AKAP13: variants seen among roughly 807,000 people sequenced by gnomAD.
AKAP13 encodes the protein A-kinase anchor protein 13.
Under a neutral mutation model 264.5 loss-of-function variants are expected in AKAP13, and 80 were observed. That is an observed-to-expected ratio of 0.30 (90% CI 0.25 to 0.36). The LOEUF (loss-of-function observed/expected upper bound fraction) is 0.36. Ranked by LOEUF, AKAP13 falls within the 10% of genes least tolerant of loss-of-function variation. The pLI is 1.00. For missense variants in AKAP13, 3,712 were observed against 3,435.2 expected (o/e 1.08, Z -2.01); for synonymous variants, 1,380 against 1,250.2 (o/e 1.10, Z -2.19).
In AKAP13 at chr15:85,581,567, C is replaced by T. The variant is rs771647350; in HGVS notation, c.3499C>T (p.His1167Tyr). 1 of 1,614,106 alleles carries T rather than the reference C, an allele frequency of 6.2e-7. No homozygotes were observed. Among genetic ancestry groups the T allele is most frequent in the East Asian group, 2.2e-5 (1 of 44,870 alleles). The stretch of plus-strand genomic sequence containing the variant: ...GAAAGGGAAGCTGGAGGGAGCAGAC[C>T]ACAGCTGTACCATGGGTGACGCTGA... ...WEKGKLEGAD[H>Y]SCTMGDAEEA... The change falls in exon 7 of 37, where the codon CAC becomes TAC. Residue 1167 changes from histidine to tyrosine, a missense_variant. Around this residue, in one of 3 missense-constraint regions of AKAP13, gnomAD observed 2,759 missense variants for 2,411.7 expected, o/e 1.14. Transcript: ENST00000394518.
At chr15:85,707,945 T>G in intron 17 of AKAP13, 74 bp from the exon 18 acceptor site, 1 of 1,483,646 alleles carries the variant, frequency 6.7e-7, no homozygotes, top group Non-Finnish European at 9.4e-7. Flanking sequence ...AGGCCACTTG[T>G]GGCAGCAGTG....
At chr15:85,675,554 C>T (rs888258257) in intron 14 of AKAP13, among the ~76,000 whole-genome samples, 10 of 152,166 alleles carry the variant, frequency 6.6e-5, no homozygotes, top group African/African-American at 2.4e-4. Flanking sequence ...CAGGCTAGAC[C>T]ATGGTAGGAG....
Position 85,730,545 on chromosome 15 carries a change from C to G in AKAP13, c.7120C>G (p.Leu2374Val). 2 of 1,614,132 alleles carry G rather than the reference C, an allele frequency of 1.2e-6. No homozygotes were observed. The highest frequency in any genetic ancestry group is 8.5e-7 in the Non-Finnish European group (1 of 1,180,008). The change falls in exon 30 of 37, where the codon CTC becomes GTC. Residue 2374 changes from leucine (L) to valine (V), a missense_variant. Transcript: ENST00000394518. ...QLHQKDQKILLLLEEKEMIFR... is the reference protein window; with the variant it reads ...QLHQKDQKILVLLEEKEMIFR... ...TCACCAGAAGGACCAAAAAATCCTA[C>G]TCTTGTTGGAAGAGAAGGAGATGAT...
chr15:85,439,165 G>A (rs1293260276), intron 1 of AKAP13, among the ~76,000 whole-genome samples: 1 of 152,044 alleles, frequency 6.6e-6, no homozygotes, highest in African/African-American at 2.4e-5. Context: ...CGAAGGACAT[G>A]AACAGACACT....
At chr15:85,481,104 A>T (rs2075338559) in intron 1 of AKAP13, 1 of 151,968 alleles carries the variant, frequency 6.6e-6, no homozygotes, top group Non-Finnish European at 1.5e-5. Flanking sequence ...GGTTGGTGGA[A>T]ATGCTTTCTG....
intron 2 of AKAP13, among the ~76,000 whole-genome samples, chr15:85,509,701 T>A (rs1443618743): frequency 6.6e-6 from 1 of 152,216 alleles, no homozygotes; most frequent in Non-Finnish European, 1.5e-5. Context: ...TTTGAATGAA[T>A]TCCGATGTAA....
intron 8 of AKAP13, among the ~76,000 whole-genome samples, chr15:85,603,814 C>T (rs534030817): frequency 1.2e-4 from 19 of 152,298 alleles, no homozygotes; most frequent in Admixed American, 1.2e-3. Flanking sequence ...GTGTCCTCTT[C>T]GCTCTCTCAG....
intron 13 of AKAP13, 109 bp downstream of exon 13, chr15:85,664,864 T>C: frequency 2.9e-6 from 3 of 1,019,300 alleles, no homozygotes; most frequent in Non-Finnish European, 4.2e-6. Context: ...ACTTACCCAT[T>C]ATATGATATA....
chr15:85,703,521 T>G (rs932207888), intron 17 of AKAP13, among the ~76,000 whole-genome samples: 1 of 152,300 alleles, frequency 6.6e-6, no homozygotes, highest in Middle Eastern at 3.4e-3. Flanking sequence ...TTAGTCCAGA[T>G]AGGGCGATGT....
chr15:85,495,530 C>T (rs562768230), intron 2 of AKAP13, among the ~76,000 whole-genome samples: 1 of 152,284 alleles, frequency 6.6e-6, no homozygotes, highest in South Asian at 2.1e-4. Context: ...GAACACATCT[C>T]TGTGTCTCCC....
rs1420215822 is a variant in AKAP13, at chr15:85,579,581, A to G, written c.1513A>G (p.Lys505Glu). 1.9e-6 allele frequency: 3 copies of G among 1,614,178 alleles called. No homozygotes were observed. In the South Asian group the frequency reaches 3.3e-5, roughly 18 times the overall value. Reference sequence around the variant, plus strand: ...TGTGCTTCAGGGAGGGGAAAGTACAAAGGAAAGATTTGAGAACTCTAATAT... The same window carrying G: ...TGTGCTTCAGGGAGGGGAAAGTACAGAGGAAAGATTTGAGAACTCTAATAT... ...KNVLQGGEST[K>E]ERFENSNIGT... Residue 505 changes from lysine to glutamate, a missense_variant, in exon 7 of 37, where the codon AAG becomes GAG. Transcript: ENST00000394518.
At chr15:85,556,481 G>A (rs879105464) in intron 5 of AKAP13, among the ~76,000 whole-genome samples, 1 of 152,142 alleles carries the variant, frequency 6.6e-6, no homozygotes, top group Admixed American at 6.5e-5. Context: ...AGTGGCACAT[G>A]ACTGTAGTAA....
At chr15:85,576,949 C>T (rs1231381116) in intron 6 of AKAP13, among the ~76,000 whole-genome samples, 3 of 152,186 alleles carry the variant, frequency 2.0e-5, no homozygotes, top group African/African-American at 7.2e-5. Flanking sequence ...CTTTAGGCAA[C>T]ACTACTTGTT....
Position 85,718,831 on chromosome 15 carries a change from T to G in AKAP13, c.6002-245T>G. 1 of 456,510 alleles carries G rather than the reference T, an allele frequency of 2.2e-6. No individual in the cohort carries two copies. The highest frequency in any genetic ancestry group is 4.0e-6 in the Non-Finnish European group (1 of 252,346). 28.3% of individuals were successfully genotyped at this position (456,510 alleles called of 1,614,324 possible). A position where few individuals can be genotyped will look rare whatever the true frequency, so the allele number is the denominator to read the frequency against. On this transcript the variant is annotated intron_variant, in intron 22 of 36. Coordinates refer to ENST00000394518, the MANE Select transcript of AKAP13 (RefSeq NM_007200.5). This position sits in a 1 kb window ranked among gnomAD's most constrained non-coding sequence, Gnocchi z 4.9. Reference sequence around the variant, plus strand: ...AGAAAGATCGCTTGAGCCCAGGAGGTTGAGGCTGCAATGAGCCATGACTTC... The same window carrying G: ...AGAAAGATCGCTTGAGCCCAGGAGGGTGAGGCTGCAATGAGCCATGACTTC...
intron 2 of AKAP13, among the ~76,000 whole-genome samples, chr15:85,500,684 T>G (rs2076016132): frequency 6.6e-6 from 1 of 152,228 alleles, no homozygotes; most frequent in Admixed American, 6.5e-5. Context: ...CCCCCAGAGA[T>G]TCTGCTTATT....
chr15:85,673,121 G>C (rs2084010747), intron 14 of AKAP13, among the ~76,000 whole-genome samples: 1 of 152,170 alleles, frequency 6.6e-6, no homozygotes, highest in African/African-American at 2.4e-5. Context: ...CCACTGAGCT[G>C]TTGTCCAGAA....
In AKAP13 at chr15:85,580,947, C is replaced by G. The variant is rs776008694; in HGVS notation, c.2879C>G (p.Thr960Ser). Residue 960 changes from threonine to serine, a missense_variant, in exon 7 of 37, where the codon ACT becomes AGT. Transcript: ENST00000394518. ...AGAACACCACCTCCTGGACAAGATA[C>G]TCAACAATTTCATGAAAAATCAATC... is the stretch of plus-strand genomic sequence containing the variant. ...EQRTPPPGQD[T>S]QQFHEKSISA... The G allele has an allele frequency of 6.8e-6, 11 of 1,614,064 alleles. No homozygotes were observed. In the East Asian group the frequency reaches 2.0e-4, roughly 29 times the overall value.
At chr15:85,453,900 C>A (rs952196917) in intron 1 of AKAP13, among the ~76,000 whole-genome samples, 2 of 152,160 alleles carry the variant, frequency 1.3e-5, no homozygotes, top group Non-Finnish European at 2.9e-5. Flanking sequence ...ACAGCCTGGC[C>A]ACGTTTGGGT....
intron 2 of AKAP13, among the ~76,000 whole-genome samples, chr15:85,514,219 G>C (rs1432331972): frequency 7.3e-6 from 1 of 137,202 alleles, no homozygotes. Flanking sequence ...CAGTCAGCCC[G>C]TCATTCTGTG....
Sources: gnomAD v4.1 joint callset for allele counts (sites outside exome capture counted in the v4.1 genomes callset) on GRCh38, gnomAD v4.1.1 for gene constraint, gnomAD v4.1.1 regional missense constraint, Gnocchi (gnomAD v3.1) non-coding constraint, MANE v1.5 for transcripts, NCBI Gene and HGNC (gene_info 2026-07-23, HGNC 2026-07-21) for gene names.